Variants in GXYLT2 observed in about 807,000 individuals in gnomAD.
The protein encoded by GXYLT2 is glycosyltransferase 8 domain containing 4.
A neutral mutation model predicts 45.8 loss-of-function variants in GXYLT2; 53 were observed. That is an observed-to-expected ratio of 1.16 (90% CI 0.93 to 1.46). The LOEUF is 1.46. Among genes scored for constraint, GXYLT2 ranks in the 40% most tolerant of loss-of-function variants. The pLI, the probability that GXYLT2 is intolerant of heterozygous loss-of-function variation, is 0.00. For synonymous variants in GXYLT2, 219 were observed against 214.2 expected (o/e 1.02, Z -0.19); for missense variants, 551 against 544.4 (o/e 1.01, Z -0.12).
chr3:72,904,085 C>T (rs890943859), intron 1 of GXYLT2, among the ~76,000 whole-genome samples: 2 of 152,218 alleles, frequency 1.3e-5, no homozygotes, highest in Non-Finnish European at 2.9e-5. Context: ...GCAACAGGTC[C>T]TTAAAATTCC....
intron 2 of GXYLT2, among the ~76,000 whole-genome samples, chr3:72,917,140 A>G (rs181976507): frequency 5.9e-5 from 9 of 152,120 alleles, no homozygotes; most frequent in Admixed American, 5.9e-4. Context: ...AGGGTCTCAC[A>G]TTGTCATCCA....
intron 3 of GXYLT2, among the ~76,000 whole-genome samples, chr3:72,938,198 T>C (rs1430479541): frequency 2.0e-5 from 3 of 152,160 alleles, no homozygotes; most frequent in Admixed American, 6.5e-5. Context: ...TAAAACTCTT[T>C]TGATGGATGA....
At chr3:72,888,631 C>T (rs1709116197) in intron 1 of GXYLT2, 123 bp downstream of exon 1, 2 of 664,956 alleles carry the variant, frequency 3.0e-6, no homozygotes, top group Non-Finnish European at 3.8e-6. Flanking sequence ...CACGGGCTGC[C>T]CACTTCTGTT....
intron 1 of GXYLT2, among the ~76,000 whole-genome samples, chr3:72,891,048 C>T (rs989076980): frequency 3.3e-5 from 5 of 152,128 alleles, no homozygotes; most frequent in African/African-American, 1.2e-4. Flanking sequence ...GATCTCTGCT[C>T]GGTCTCCTTT....
intron 3 of GXYLT2, chr3:72,929,534 A>C (rs1273726908): frequency 1.7e-6 from 2 of 1,211,832 alleles, no homozygotes; most frequent in Non-Finnish European, 2.4e-6. Context: ...GAGCACCCGA[A>C]TCTGGCTCGG....
intron 1 of GXYLT2, among the ~76,000 whole-genome samples, chr3:72,902,565 A>G (rs968143013): frequency 2.0e-5 from 3 of 152,186 alleles, no homozygotes; most frequent in Non-Finnish European, 4.4e-5. Flanking sequence ...AGCCGAGTGC[A>G]GTGGCTCACG....
chr3:72,934,438 A>G (rs1710139216), intron 3 of GXYLT2, among the ~76,000 whole-genome samples: 1 of 152,246 alleles, frequency 6.6e-6, no homozygotes, highest in Non-Finnish European at 1.5e-5. Context: ...CCAGAATAGT[A>G]TTTACCAACC....
chr3:72,906,772 T>G (rs562396898), intron 1 of GXYLT2, among the ~76,000 whole-genome samples: 2 of 152,268 alleles, frequency 1.3e-5, no homozygotes, highest in East Asian at 3.9e-4. Context: ...CACAGTGTGG[T>G]CACCTGCACT....
intron 5 of GXYLT2, among the ~76,000 whole-genome samples, chr3:72,961,053 A>G (rs1241029055): frequency 6.6e-6 from 1 of 152,186 alleles, no homozygotes; most frequent in Non-Finnish European, 1.5e-5. Flanking sequence ...CTATAATTAG[A>G]TAGTAAATGC....
In GXYLT2 at chr3:72,908,591, A is replaced by C. The variant is rs746003605; in HGVS notation, c.468+32A>C. 3 of 1,542,538 alleles carry C rather than the reference A, an allele frequency of 1.9e-6. No individual in the cohort carries two copies. The East Asian group carries it at 6.7e-5, about 35-fold the overall frequency. On this transcript the variant is annotated intron_variant, in intron 2 of 6. Coordinates refer to ENST00000389617, the MANE Select transcript of GXYLT2 (RefSeq NM_001080393.2). ...TTGCAGAAATCATGGCACAGTGTTT[A>C]CTAAGTACAAACAGACTACATTTTA...
intron 3 of GXYLT2, among the ~76,000 whole-genome samples, chr3:72,947,405 G>A (rs1575806874): frequency 6.6e-6 from 1 of 152,168 alleles, no homozygotes; most frequent in African/African-American, 2.4e-5. Context: ...GTGCTACGCG[G>A]TGGAGGAACA....
chr3:72,974,563 T>C (rs994523614), intron 6 of GXYLT2, among the ~76,000 whole-genome samples: 19 of 152,306 alleles, frequency 1.2e-4, no homozygotes, highest in African/African-American at 4.3e-4. Context: ...GAGACATGCA[T>C]CATTTTTAGA....
At chr3:72,971,687 A>C (rs200975036) in intron 6 of GXYLT2, among the ~76,000 whole-genome samples, 1 of 152,158 alleles carries the variant, frequency 6.6e-6, no homozygotes, top group Non-Finnish European at 1.5e-5. Context: ...GGTGGCTCAC[A>C]CCTGTAATCC....
chr3:72,919,511 T>C (rs538602005), intron 2 of GXYLT2, among the ~76,000 whole-genome samples: 2 of 152,286 alleles, frequency 1.3e-5, no homozygotes, highest in East Asian at 1.9e-4. Context: ...TCCCAACACT[T>C]TGGGAGGCCA....
At chr3:72,915,725 A>G (rs535795272) in intron 2 of GXYLT2, among the ~76,000 whole-genome samples, 26 of 152,054 alleles carry the variant, frequency 1.7e-4, no homozygotes, top group African/African-American at 6.3e-4. Context: ...AATCCTAGCT[A>G]TTCAGGAGGC....
intron 2 of GXYLT2, among the ~76,000 whole-genome samples, chr3:72,920,736 G>A (rs1181937341): frequency 6.6e-6 from 1 of 151,438 alleles, no homozygotes; most frequent in Non-Finnish European, 1.5e-5. Context: ...GCTATAGAGT[G>A]CCCACTTTTA....
intron 2 of GXYLT2, among the ~76,000 whole-genome samples, chr3:72,909,992 G>A (rs1056875653): frequency 6.6e-5 from 10 of 152,162 alleles, no homozygotes; most frequent in Non-Finnish European, 5.9e-5. Flanking sequence ...TTTACCAAGA[G>A]AAACCATGGA....
Position 72,888,050 on chromosome 3 carries a change from C to CCT in GXYLT2, c.-176_-175dup, listed in dbSNP as rs995979124. The CCT allele has an allele frequency of 5.4e-6, 1 of 183,782 alleles. No homozygotes were observed. The highest frequency in any genetic ancestry group is 2.4e-5 in the African/African-American group (1 of 41,680). 11.4% of individuals were successfully genotyped at this position (183,782 alleles called of 1,614,324 possible). A position where few individuals can be genotyped will look rare whatever the true frequency, so the allele number is the denominator to read the frequency against. On this transcript the variant is annotated 5_prime_UTR_variant, in exon 1 of 7. Coordinates refer to ENST00000389617, the MANE Select transcript of GXYLT2 (RefSeq NM_001080393.2). ...AGCTCTCACCGCCTCCCCCTCCTCT[C>CCT]CTCTCTCTCCTCCTCCTTCGCCGTC...
At chr3:72,956,620 T>C (rs753376262) in intron 4 of GXYLT2, among the ~76,000 whole-genome samples, 22 of 151,974 alleles carry the variant, frequency 1.4e-4, no homozygotes, top group Non-Finnish European at 3.2e-4. Context: ...GCCTCTTAGG[T>C]GTGGGGACTC....
Sources: allele counts gnomAD v4.1 joint callset (sites outside exome capture counted in the v4.1 genomes callset), GRCh38; gene constraint gnomAD v4.1.1; transcripts MANE v1.5; gene names NCBI Gene and HGNC (gene_info 2026-07-23, HGNC 2026-07-21).